Variants in CCM2 observed in about 807,000 individuals in gnomAD.
CCM2 encodes CCM2 scaffold protein.
A neutral mutation model predicts 44.9 loss-of-function variants in CCM2; 25 were observed. The ratio of observed to expected loss-of-function variants is 0.56; its 90% CI spans 0.41 to 0.78. The LOEUF (loss-of-function observed/expected upper bound fraction) is 0.78. Among genes scored for constraint, CCM2 ranks in the 30% least tolerant of loss-of-function variants. The pLI, the probability that CCM2 is intolerant of heterozygous loss-of-function variation, is 0.00. For synonymous variants in CCM2, 219 were observed against 241.1 expected (o/e 0.91, Z 0.85); for missense variants, 481 against 580.6 (o/e 0.83, Z 1.76).
chr7:45,038,512 GAC>G (rs1797336083), intron 2 of CCM2, 86 bp downstream of exon 2: 4 of 1,386,222 alleles, frequency 2.9e-6, no homozygotes, highest in Non-Finnish European at 3.1e-6. Context: ...GAGTTTATAA[GAC>G]ACAGCCACAC....
chr7:45,072,945 C>T (rs1046218275), intron 7 of CCM2, 162 bp downstream of exon 7: 63 of 702,460 alleles, frequency 9.0e-5, no homozygotes, highest in African/African-American at 2.6e-4. Context: ...AGGCCTGGCT[C>T]GCCGCCCTCT....
chr7:45,038,118 C>G, intron 1 of CCM2, 135 bp from the exon 2 acceptor site: 3 of 1,046,708 alleles, frequency 2.9e-6, no homozygotes, highest in Non-Finnish European at 4.3e-6. Context: ...ACCTTTCTCA[C>G]CAGTCTGGCA....
intron 6 of CCM2, chr7:45,071,536 G>T: frequency 3.2e-6 from 1 of 317,448 alleles, no homozygotes; most frequent in African/African-American, 2.2e-5. Context: ...CTCTACTACA[G>T]CTATGCCAAA....
intron 1 of CCM2, among the ~76,000 whole-genome samples, chr7:45,017,833 C>T (rs1355200175): frequency 6.6e-6 from 1 of 152,136 alleles, no homozygotes; most frequent in Non-Finnish European, 1.5e-5. Context: ...AGTTGGAGTG[C>T]TTAGGATTTT....
intron 1 of CCM2, among the ~76,000 whole-genome samples, chr7:45,024,845 C>T (rs1796620265): frequency 6.6e-6 from 1 of 152,098 alleles, no homozygotes; most frequent in African/African-American, 2.4e-5. Flanking sequence ...GAAGATGAGT[C>T]TAAATGTTGA....
chr7:45,022,038 C>T (rs1796501760), intron 1 of CCM2, among the ~76,000 whole-genome samples: 2 of 152,090 alleles, frequency 1.3e-5, no homozygotes, highest in Admixed American at 6.6e-5. Flanking sequence ...ATGGAAAACA[C>T]CTAGAAGCAA....
Position 45,038,444 on chromosome 7 carries a change from A to G in CCM2, c.204+18A>G. 1 of 1,613,112 alleles carries G rather than the reference A, an allele frequency of 6.2e-7. No homozygotes were observed. The highest frequency in any genetic ancestry group is 8.5e-7 in the Non-Finnish European group (1 of 1,179,586). On this transcript the variant is annotated intron_variant, in intron 2 of 9. Transcript: ENST00000258781. ...AGGTAAAGGTAAGTCGTCATGGGCCACAGGACGTGCCTGCCAAACGACAGT... is the reference window on the plus strand; with the variant it reads ...AGGTAAAGGTAAGTCGTCATGGGCCGCAGGACGTGCCTGCCAAACGACAGT...
At chr7:45,052,725 C>G (rs1430410018) in intron 2 of CCM2, among the ~76,000 whole-genome samples, 1 of 152,178 alleles carries the variant, frequency 6.6e-6, no homozygotes, top group Non-Finnish European at 1.5e-5. Context: ...CACAATTTAT[C>G]CACCATAATT....
chr7:45,022,544 C>T (rs1274226126), intron 1 of CCM2, among the ~76,000 whole-genome samples: 1 of 151,486 alleles, frequency 6.6e-6, no homozygotes, highest in East Asian at 1.9e-4. Context: ...CTGACCTCGT[C>T]ATCCGCCCGC....
In CCM2 at chr7:45,068,497, G is replaced by T; in HGVS notation, c.527G>T (p.Gly176Val). The change falls in exon 5 of 10, where the codon GGC becomes GTC. Residue 176 changes from glycine to valine, a missense_variant. Transcript: ENST00000258781. ...AGTCTGTGTGCGGAAAGTTCCAGAG[G>T]CCTCAGTGCAGGCTCCCTGTCGGAG... ...SQSLCAESSR[G>V]LSAGSLSESA... is the part of the protein sequence containing the mutation. 2 of 1,614,174 alleles carry T rather than the reference G, an allele frequency of 1.2e-6. No homozygotes were observed. Among genetic ancestry groups the T allele is most frequent in the Non-Finnish European group, 1.7e-6 (2 of 1,180,036 alleles).
chr7:45,052,797 A>T (rs547959788), intron 2 of CCM2, among the ~76,000 whole-genome samples: 8 of 152,340 alleles, frequency 5.3e-5, no homozygotes, highest in African/African-American at 1.9e-4. Context: ...TATGTTTTCA[A>T]GAGCAGCATT....
intron 2 of CCM2, among the ~76,000 whole-genome samples, chr7:45,055,253 AC>A (rs1422806667): frequency 6.6e-6 from 1 of 152,212 alleles, no homozygotes; most frequent in East Asian, 1.9e-4. Context: ...TTGACATATG[AC>A]CCCATCTTAG....
chr7:45,039,262 G>A (rs1433218679), intron 2 of CCM2, among the ~76,000 whole-genome samples: 1 of 152,192 alleles, frequency 6.6e-6, no homozygotes, highest in African/African-American at 2.4e-5. Flanking sequence ...CAGAAGATAA[G>A]GAAGTCAAGT....
chr7:45,018,820 C>T (rs1008518182), intron 1 of CCM2, among the ~76,000 whole-genome samples: 3 of 150,796 alleles, frequency 2.0e-5, no homozygotes, highest in South Asian at 2.1e-4. Flanking sequence ...AGTGCAGTAG[C>T]GCAATCTCAG....
At chr7:45,020,657 A>G (rs954822564) in intron 1 of CCM2, among the ~76,000 whole-genome samples, 1 of 152,196 alleles carries the variant, frequency 6.6e-6, no homozygotes, top group Admixed American at 6.5e-5. Flanking sequence ...GTATGGTAGA[A>G]CCAAGGTTTA....
chr7:45,027,634 A>G, intron 1 of CCM2: 2 of 1,613,390 alleles, frequency 1.2e-6, no homozygotes, highest in Middle Eastern at 1.6e-4. Context: ...CTTCCTGTTC[A>G]GTCATGTTTT....
At position 45,017,337 on chromosome 7, in the gene CCM2, G is replaced by T. The variant is rs114622882; in HGVS notation, c.30+16974G>T. ...CTCAAGTGCACAGCCTCTATAAACT[G>T]GCTAGAACCAGTCTGTGGCTGGTGG... On this transcript the variant is annotated intron_variant, in intron 1 of 9. Coordinates refer to ENST00000258781, the MANE Select transcript of CCM2 (RefSeq NM_031443.4). 6.5e-3 allele frequency among the ~76,000 whole-genome samples: 997 copies of T among 152,312 alleles called. 17 individuals carry two copies. Among genetic ancestry groups the T allele is most frequent in the African/African-American group, 0.023 (940 of 41,574 alleles).
At position 45,026,234 on chromosome 7, in the gene CCM2, A is replaced by G. The variant is rs548983871; in HGVS notation, c.31-12019A>G. Among the ~76,000 whole-genome samples, 17 of 152,246 alleles carry G rather than the reference A, an allele frequency of 1.1e-4. 1 individual carries two copies. Among genetic ancestry groups the G allele is most frequent in the African/African-American group, 4.1e-4 (17 of 41,546 alleles). On this transcript the variant is annotated intron_variant, in intron 1 of 9. Transcript: ENST00000258781. ...CAACTTTTAGGAAGGAGCAATCTGA[A>G]ATTGTGACTCTACTCTGGTTTTTAA...
At chr7:45,069,354 C>T (rs918869609) in intron 5 of CCM2, among the ~76,000 whole-genome samples, 2 of 152,210 alleles carry the variant, frequency 1.3e-5, no homozygotes, top group African/African-American at 4.8e-5. Context: ...GCTACATGTC[C>T]CCTGGGAGGG....
Sources: allele counts gnomAD v4.1 joint callset (sites outside exome capture counted in the v4.1 genomes callset), GRCh38; gene constraint gnomAD v4.1.1; transcripts MANE v1.5; gene names NCBI Gene and HGNC (gene_info 2026-07-23, HGNC 2026-07-21).